The following NAV2 variants were observed in gnomAD, a reference collection of about 807,000 sequenced individuals.
The protein encoded by NAV2 is helicase, APC down-regulated 1.
NAV2 carries 54 observed loss-of-function variants against 223.2 expected under a neutral mutation model. The observed-to-expected ratio is 0.24, with a 90% CI of 0.19 to 0.30. NAV2 has a LOEUF of 0.30. Ranked by LOEUF, NAV2 falls within the 10% of genes least tolerant of loss-of-function variation. NAV2 has a pLI of 1.00. For missense variants in NAV2, 2,806 were observed against 3,147.5 expected (o/e 0.89, Z 2.60); for synonymous variants, 1,279 against 1,239.3 (o/e 1.03, Z -0.67).
chr11:19,512,012 C>T (rs1230535059), intron 1 of NAV2, among the ~76,000 whole-genome samples: 3 of 152,166 alleles, frequency 2.0e-5, no homozygotes, highest in South Asian at 4.1e-4. Flanking sequence ...CTGCACATTG[C>T]CCTCTGGGTC....
chr11:19,389,569 G>T (rs77196078), intron 1 of NAV2, among the ~76,000 whole-genome samples: 6,335 of 152,254 alleles, frequency 0.042, 426 homozygotes, highest in African/African-American at 0.14. Context: ...GGACCATGAA[G>T]ATCAAGGACA....
At chr11:20,015,133 A>T (rs796468935) in intron 11 of NAV2, among the ~76,000 whole-genome samples, 4 of 152,294 alleles carry the variant, frequency 2.6e-5, no homozygotes, top group African/African-American at 9.6e-5. Flanking sequence ...CCTAATTGCC[A>T]CATGGATTTG....
intron 1 of NAV2, among the ~76,000 whole-genome samples, chr11:19,509,730 G>A (rs759732578): frequency 7.2e-5 from 11 of 152,042 alleles, no homozygotes; most frequent in South Asian, 2.1e-4. Flanking sequence ...CCCCCCTAAA[G>A]CCTTAGAATC....
At chr11:19,892,703 G>T in intron 6 of NAV2, 109 bp downstream of exon 6, 1 of 1,196,082 alleles carries the variant, frequency 8.4e-7, no homozygotes, top group Non-Finnish European at 1.1e-6. Context: ...CATCTGTGTT[G>T]AGAATGAGTT....
At chr11:20,101,693 T>C (rs994557884) in intron 32 of NAV2, among the ~76,000 whole-genome samples, 1 of 152,100 alleles carries the variant, frequency 6.6e-6, no homozygotes, top group Non-Finnish European at 1.5e-5. Context: ...TGGTACTAAG[T>C]GGTAGAACTG....
chr11:20,098,976 T>C (rs1035102272), intron 31 of NAV2, among the ~76,000 whole-genome samples: 1 of 152,184 alleles, frequency 6.6e-6, no homozygotes, highest in Admixed American at 6.5e-5. Context: ...TTCTTCTAGC[T>C]TAGGAACCTG....
chr11:19,646,244 A>C (rs1204454208), intron 1 of NAV2, among the ~76,000 whole-genome samples: 2 of 152,238 alleles, frequency 1.3e-5, no homozygotes, highest in African/African-American at 4.8e-5. Context: ...ATCTCTGATT[A>C]TGACTTTATA....
chr11:19,642,409 G>C (rs1226139592), intron 1 of NAV2, among the ~76,000 whole-genome samples: 1 of 152,156 alleles, frequency 6.6e-6, no homozygotes. Context: ...GTTATTTTGA[G>C]CAAACTTCCA....
chr11:19,528,822 C>A (rs187491350), intron 1 of NAV2, among the ~76,000 whole-genome samples: 2 of 150,682 alleles, frequency 1.3e-5, no homozygotes, highest in Non-Finnish European at 2.9e-5. Flanking sequence ...CCCAGCTACT[C>A]GGGAGGCTGA....
intron 1 of NAV2, among the ~76,000 whole-genome samples, chr11:19,500,018 G>A (rs533952988): frequency 4.8e-4 from 72 of 150,982 alleles, no homozygotes; most frequent in African/African-American, 1.5e-3. Context: ...CCACACACAC[G>A]CACACACACA....
chr11:19,610,807 T>G (rs1471132917), intron 1 of NAV2, among the ~76,000 whole-genome samples: 2 of 150,532 alleles, frequency 1.3e-5, no homozygotes, highest in Admixed American at 6.6e-5. Flanking sequence ...GATGGGGCAG[T>G]GGATGGATGG....
intron 3 of NAV2, among the ~76,000 whole-genome samples, chr11:19,866,913 G>A (rs536453907): frequency 6.6e-6 from 1 of 152,176 alleles, no homozygotes; most frequent in East Asian, 1.9e-4. Flanking sequence ...TCACTCACCA[G>A]CCATGTGCAA....
intron 1 of NAV2, among the ~76,000 whole-genome samples, chr11:19,474,208 G>C (rs138603753): frequency 1.3e-3 from 195 of 152,310 alleles, no homozygotes; most frequent in African/African-American, 4.5e-3. Flanking sequence ...TCTCATGTCA[G>C]CTCTGAAGAA....
At chr11:19,711,021 G>A (rs542695353), upstream of NAV2, 10 of 152,324 alleles carry the variant, frequency 6.6e-5, no homozygotes, top group South Asian at 1.7e-3. Flanking sequence ...ACAATAGTAC[G>A]GGAGGTGGCA....
intron 1 of NAV2, among the ~76,000 whole-genome samples, chr11:19,795,015 G>A (rs749327836): frequency 3.9e-5 from 6 of 152,082 alleles, no homozygotes; most frequent in Non-Finnish European, 7.4e-5. Context: ...AGTACCCTAT[G>A]GAGTAAGCAT....
intron 1 of NAV2, among the ~76,000 whole-genome samples, chr11:19,610,655 T>A (rs1392878337): frequency 6.6e-6 from 1 of 152,166 alleles, no homozygotes; most frequent in Non-Finnish European, 1.5e-5. Flanking sequence ...AGCAGCAGAA[T>A]GTGGGCACTT....
intron 1 of NAV2, among the ~76,000 whole-genome samples, chr11:19,544,658 T>C (rs1043678110): frequency 1.3e-5 from 2 of 152,176 alleles, no homozygotes; most frequent in African/African-American, 4.8e-5. Flanking sequence ...TCCCAGTTCC[T>C]CACCCCCTGG....
intron 36 of NAV2, 153 bp from the exon 37 acceptor site, chr11:20,114,439 T>C: frequency 1.4e-6 from 1 of 691,282 alleles, no homozygotes. Context: ...GTCTGCATCT[T>C]GGATGACTTC....
chr11:19,359,912 T>TCTCTTCC (rs749172073), intron 1 of NAV2, among the ~76,000 whole-genome samples: 1 of 152,122 alleles, frequency 6.6e-6, no homozygotes, highest in Non-Finnish European at 1.5e-5. Flanking sequence ...ATGGTTTCTT[T>TCTCTTCC]CTCTTCCCTC....
Sources: allele counts gnomAD v4.1 joint callset (sites outside exome capture counted in the v4.1 genomes callset), GRCh38; gene constraint gnomAD v4.1.1; transcripts MANE v1.5; gene names NCBI Gene and HGNC (gene_info 2026-07-23, HGNC 2026-07-21).